PELI2: variants seen among roughly 807,000 people sequenced by gnomAD.
PELI2 encodes pellino E3 ubiquitin protein ligase family member 2, also known as E3 ubiquitin-protein ligase pellino homolog 2.
PELI2 carries 23 observed loss-of-function variants against 42.3 expected under a neutral mutation model. That is an observed-to-expected ratio of 0.54 (90% CI 0.39 to 0.77). The LOEUF is 0.77. Ranked by LOEUF, PELI2 falls within the 30% of genes least tolerant of loss-of-function variation. PELI2 has a pLI of 0.00. For synonymous variants in PELI2, 245 were observed against 212.2 expected, an observed-to-expected ratio of 1.15 and a Z score of -1.34; for missense variants, 463 against 553.2, an observed-to-expected ratio of 0.84 and a Z score of 1.64.
chr14:56,148,473 A>G (rs1884215652), intron 1 of PELI2, among the ~76,000 whole-genome samples: 1 of 152,184 alleles, frequency 6.6e-6, no homozygotes, highest in Non-Finnish European at 1.5e-5. Flanking sequence ...TACAGCCTGC[A>G]GCCTATTCTT....
intron 2 of PELI2, among the ~76,000 whole-genome samples, chr14:56,249,997 G>A (rs1004960702): frequency 3.9e-5 from 6 of 152,296 alleles, no homozygotes; most frequent in African/African-American, 7.2e-5. Flanking sequence ...GTGCTCTCTC[G>A]TGTTCTCTAA....
At chr14:56,140,762 T>G (rs1314482547) in intron 1 of PELI2, among the ~76,000 whole-genome samples, 1 of 152,164 alleles carries the variant, frequency 6.6e-6, no homozygotes, top group Non-Finnish European at 1.5e-5. Flanking sequence ...AACCACAAGA[T>G]GGAAAAATTA....
chr14:56,145,788 T>G (rs1884093336), intron 1 of PELI2, among the ~76,000 whole-genome samples: 1 of 152,214 alleles, frequency 6.6e-6, no homozygotes, highest in South Asian at 2.1e-4. Context: ...TATATTCTAG[T>G]GTACTGTTTC....
intron 2 of PELI2, among the ~76,000 whole-genome samples, chr14:56,225,642 C>T (rs974231049): frequency 2.0e-5 from 3 of 152,196 alleles, no homozygotes; most frequent in Admixed American, 6.5e-5. Flanking sequence ...GCGGTCACAA[C>T]GCCCAGCAGC....
chr14:56,152,482 C>A (rs1884399558), intron 1 of PELI2, among the ~76,000 whole-genome samples: 1 of 152,032 alleles, frequency 6.6e-6, no homozygotes. Context: ...AGAGGAAAAC[C>A]AGAGACTGGA....
chr14:56,210,980 T>A (rs1886694321), intron 2 of PELI2, among the ~76,000 whole-genome samples: 2 of 152,340 alleles, frequency 1.3e-5, no homozygotes, highest in South Asian at 2.1e-4. Context: ...CTCCCACCCT[T>A]GGTCTTAAGT....
chr14:56,255,755 C>T (rs1888506552), intron 2 of PELI2, among the ~76,000 whole-genome samples: 1 of 152,154 alleles, frequency 6.6e-6, no homozygotes, highest in African/African-American at 2.4e-5. Flanking sequence ...GTGTCATTTA[C>T]ATAATGTGTG....
chr14:56,173,072 A>C (rs1885237810), intron 1 of PELI2, among the ~76,000 whole-genome samples: 1 of 152,058 alleles, frequency 6.6e-6, no homozygotes, highest in African/African-American at 2.4e-5. Flanking sequence ...TGCATGGTGA[A>C]GGCCCCAGGG....
rs536781368 is a variant in PELI2, at chr14:56,204,952, C to T, written c.207+26488C>T. 3.4e-5 allele frequency among the ~76,000 whole-genome samples: 5 copies of T among 147,774 alleles called. No individual in the cohort carries two copies. The East Asian group carries it at 8.1e-4, about 24-fold the overall frequency. On this transcript the variant is annotated intron_variant, in intron 2 of 5. Transcript: ENST00000267460. ...AGGCTGAGGCAGGAGAATCGATTGA[C>T]ATGGGAGGCGGAGGGTGCAGTGAGC...
chr14:56,230,538 A>G (rs1035149696), intron 2 of PELI2, among the ~76,000 whole-genome samples: 3 of 152,192 alleles, frequency 2.0e-5, no homozygotes, highest in Non-Finnish European at 2.9e-5. Flanking sequence ...TCCTTTACAC[A>G]CAAGCAAATG....
intron 5 of PELI2, 148 bp downstream of exon 5, chr14:56,290,604 C>T (rs973465662): frequency 2.0e-6 from 1 of 489,640 alleles, no homozygotes; most frequent in African/African-American, 1.9e-5. Context: ...TTCCACAAGC[C>T]CCTGAAATCA....
intron 2 of PELI2, among the ~76,000 whole-genome samples, chr14:56,268,531 T>G (rs1888987275): frequency 6.6e-6 from 1 of 152,204 alleles, no homozygotes; most frequent in South Asian, 2.1e-4. Flanking sequence ...TTATTTTAAT[T>G]TTTACTATAG....
intron 2 of PELI2, among the ~76,000 whole-genome samples, chr14:56,278,471 G>A (rs1889368392): frequency 6.6e-6 from 1 of 152,122 alleles, no homozygotes; most frequent in Admixed American, 6.6e-5. Context: ...AATTTAAGAC[G>A]ATGTCTGTTA....
rs567743035 is a variant in PELI2 at position 56,170,820 on chromosome 14, TG to T, written c.78-7514del. The stretch of plus-strand genomic sequence containing the variant: ...AAATACCCTTACTGTAAAGACCAAC[TG>T]TTTGCTCTGCATATATGAAGAGTTA... On this transcript the variant is annotated intron_variant, in intron 1 of 5. Transcript: ENST00000267460. Among the ~76,000 whole-genome samples, 431 of 152,326 alleles carry T rather than the reference TG, an allele frequency of 2.8e-3. 2 individuals carry two copies. Among genetic ancestry groups the T allele is most frequent in the African/African-American group, 9.9e-3 (411 of 41,570 alleles).
chr14:56,121,127 A>G (rs1883044353), intron 1 of PELI2, among the ~76,000 whole-genome samples: 1 of 152,122 alleles, frequency 6.6e-6, no homozygotes, highest in African/African-American at 2.4e-5. Flanking sequence ...GGGTATAAAT[A>G]TTGGAAAACA....
intron 2 of PELI2, among the ~76,000 whole-genome samples, chr14:56,223,041 G>A (rs182012915): frequency 3.3e-5 from 5 of 152,294 alleles, no homozygotes; most frequent in African/African-American, 1.2e-4. Context: ...AATGGCTGCA[G>A]CCGACCCCTG....
At chr14:56,228,379 C>T (rs191676889) in intron 2 of PELI2, among the ~76,000 whole-genome samples, 2 of 152,110 alleles carry the variant, frequency 1.3e-5, no homozygotes, top group Non-Finnish European at 2.9e-5. Context: ...TTTTAAAACC[C>T]TGGAGAATTA....
chr14:56,123,920 A>G (rs1168143602), intron 1 of PELI2, among the ~76,000 whole-genome samples: 2 of 152,218 alleles, frequency 1.3e-5, no homozygotes, highest in Non-Finnish European at 2.9e-5. Flanking sequence ...GAAAGTAGGT[A>G]TATGGGGTTG....
intron 2 of PELI2, among the ~76,000 whole-genome samples, chr14:56,207,935 G>A (rs779059802): frequency 6.6e-6 from 1 of 152,206 alleles, no homozygotes; most frequent in Non-Finnish European, 1.5e-5. Context: ...CACGTTGGAG[G>A]TTGTCAGGTA....
Sources: gnomAD v4.1 joint callset for allele counts (sites outside exome capture counted in the v4.1 genomes callset) on GRCh38, gnomAD v4.1.1 for gene constraint, MANE v1.5 for transcripts, NCBI Gene and HGNC (gene_info 2026-07-23, HGNC 2026-07-21) for gene names.